ADGRE3: variants seen among roughly 807,000 people sequenced by gnomAD.
The protein encoded by ADGRE3 is EGF-like module receptor 3.
Under a neutral mutation model 80.1 loss-of-function variants are expected in ADGRE3, and 88 were observed. The ratio of observed to expected loss-of-function variants is 1.10; its 90% CI spans 0.93 to 1.31. The LOEUF is 1.31. Among genes scored for constraint, ADGRE3 ranks in the 40% most tolerant of loss-of-function variants. ADGRE3 has a pLI of 0.00. For missense variants in ADGRE3, 715 were observed against 776.5 expected (o/e 0.92, Z 0.94); for synonymous variants, 281 against 294.8 (o/e 0.95, Z 0.48).
At chr19:14,647,154 C>T in intron 8 of ADGRE3, 27 bp downstream of exon 8, 2 of 1,604,056 alleles carry the variant, frequency 1.2e-6, no homozygotes, top group East Asian at 2.2e-5. Context: ...TGAGAACCCA[C>T]AAGCTCAAAT....
chr19:14,615,144 G>A (rs2075067953), downstream of ADGRE3, among the ~76,000 whole-genome samples: 1 of 151,076 alleles, frequency 6.6e-6, no homozygotes, highest in South Asian at 2.1e-4. Flanking sequence ...GGCAGAACTG[G>A]GATTCAGATT....
Position 14,638,151 on chromosome 19 carries a change from CCA to C in ADGRE3, c.1436_1437del (p.Val479GlyfsTer15). 6.2e-7 allele frequency: 1 copy of C among 1,614,108 alleles called. No homozygotes were observed. The highest frequency in any genetic ancestry group is 8.5e-7 in the Non-Finnish European group (1 of 1,180,008). ...PVGYGVPAVT[V>X]AISAASWPHL... is the part of the protein sequence containing the mutation. ...TGAGGCCAGGAGGCTGCAGAAATGG[CCA>C]CAGTCACAGCGGGAACGCCATAGCC... On this transcript the variant is annotated frameshift_variant, in exon 11 of 16. Coordinates refer to ENST00000253673, the MANE Select transcript of ADGRE3 (RefSeq NM_032571.5). LOFTEE classifies it high-confidence loss of function.
intron 15 of ADGRE3, among the ~76,000 whole-genome samples, chr19:14,625,117 C>T (rs1970700991): frequency 6.6e-5 from 10 of 152,082 alleles, no homozygotes; most frequent in Admixed American, 6.6e-4. Flanking sequence ...GTAGCTGGGA[C>T]TACAGGTGCA....
the ADGRE3 span, among the ~76,000 whole-genome samples, chr19:14,601,345 G>T: frequency 6.6e-6 from 1 of 152,192 alleles, no homozygotes; most frequent in East Asian, 1.9e-4. Context: ...ATCTTTTAAG[G>T]TGGTAGGGAA....
intron 15 of ADGRE3, 32 bp downstream of exon 15, chr19:14,625,460 A>C (rs780625939): frequency 1.3e-5 from 18 of 1,367,386 alleles, no homozygotes; most frequent in Non-Finnish European, 1.7e-5. Context: ...GGAGTATGTA[A>C]AACATTAGAA....
downstream of ADGRE3, among the ~76,000 whole-genome samples, chr19:14,614,315 G>A (rs1247831275): frequency 6.6e-6 from 1 of 152,126 alleles, no homozygotes; most frequent in African/African-American, 2.4e-5. Context: ...GGGGAAGCAG[G>A]GGTCTGTGGT....
intron 7 of ADGRE3, among the ~76,000 whole-genome samples, chr19:14,650,751 T>C (rs917952915): frequency 1.4e-5 from 2 of 147,858 alleles, no homozygotes; most frequent in African/African-American, 4.9e-5. Flanking sequence ...TGGAGAACAC[T>C]GATGAATACA....
intron 3 of ADGRE3, 22 bp downstream of exon 3, chr19:14,663,380 TAAAATAATAATAATAA>T (rs1239176592): frequency 4.8e-6 from 6 of 1,262,374 alleles, no homozygotes; most frequent in Non-Finnish European, 6.2e-6. Context: ...ATAATGATAA[TAAAATAATAATAATAA>T]AAAATAATAA....
At chr19:14,650,240 C>G (rs1971551237) in intron 7 of ADGRE3, among the ~76,000 whole-genome samples, 1 of 150,898 alleles carries the variant, frequency 6.6e-6, no homozygotes, top group Non-Finnish European at 1.5e-5. Flanking sequence ...CTCTTTCCAT[C>G]TCTCTTCCCT....
the ADGRE3 span, among the ~76,000 whole-genome samples, chr19:14,602,711 C>A: frequency 2.0e-5 from 3 of 151,568 alleles, no homozygotes; most frequent in African/African-American, 7.3e-5. Flanking sequence ...CCCTCTGTTT[C>A]ATAGCATTAT....
the ADGRE3 span, among the ~76,000 whole-genome samples, chr19:14,611,739 C>T: frequency 2.0e-5 from 3 of 152,118 alleles, no homozygotes; most frequent in Admixed American, 6.6e-5. Flanking sequence ...CAGTGGCTCA[C>T]GCCTGTAATC....
chr19:14,630,233 G>C, intron 13 of ADGRE3, 26 bp from the exon 14 acceptor site: 1 of 1,577,626 alleles, frequency 6.3e-7, no homozygotes. Context: ...CAGAGATTAG[G>C]ATGTCAAAAA....
In ADGRE3 at chr19:14,641,551, G is replaced by C. The variant is rs267605309; in HGVS notation, c.1116C>G (p.Leu372=). The C allele has an allele frequency of 6.2e-7, 1 of 1,614,066 alleles. No homozygotes were observed. The change falls in exon 10 of 16, where the codon CTC becomes CTG. Residue 372 remains leucine, a synonymous_variant. Coordinates refer to ENST00000253673, the MANE Select transcript of ADGRE3 (RefSeq NM_032571.5). ...ACAGGAGAAAAGTGAGGGCCGCCAG[G>C]AGGAGGCACAGCAGAGAGACGCTCA... ...VGLSVSLLCL[L]LAALTFLLCK...
rs1304992454 is a variant in ADGRE3 at position 14,662,030 on chromosome 19, A to T, written c.288T>A (p.Cys96Ter). The T allele has an allele frequency of 3.1e-6, 5 of 1,613,890 alleles. No homozygotes were observed. Among genetic ancestry groups the T allele is most frequent in the Middle Eastern group, 1.7e-4 (1 of 6,060 alleles). ...CAGAATGCAGTCTATATCCTGGGACACATTGACAGTAGAAACTTCCTTCGA... is the reference window on the plus strand; with the variant it reads ...CAGAATGCAGTCTATATCCTGGGACTCATTGACAGTAGAAACTTCCTTCGA... ...YNVEGSFYCQ[C>*]VPGYRLHSGN... Residue 96 changes from cysteine to a stop codon, truncating the protein, a stop_gained, in exon 4 of 16, where the codon TGT becomes TGA. Coordinates refer to ENST00000253673, the MANE Select transcript of ADGRE3 (RefSeq NM_032571.5). LOFTEE classifies it high-confidence loss of function.
At chr19:14,617,234 CTTTTCTTTTCTT>C (rs1474531064), downstream of ADGRE3, among the ~76,000 whole-genome samples, 1 of 151,570 alleles carries the variant, frequency 6.6e-6, no homozygotes, top group African/African-American at 2.4e-5. Flanking sequence ...TTTCTTTTCT[CTTTTCTTTTCTT>C]TTTTCTTTCT....
chr19:14,625,387 A>G (rs1970709779), intron 15 of ADGRE3, 105 bp downstream of exon 15: 4 of 789,566 alleles, frequency 5.1e-6, no homozygotes, highest in Non-Finnish European at 8.6e-6. Flanking sequence ...AACTTAAAAA[A>G]CAAAAACAAA....
At chr19:14,604,415 A>G in the ADGRE3 span, among the ~76,000 whole-genome samples, 1 of 152,064 alleles carries the variant, frequency 6.6e-6, no homozygotes, top group African/African-American at 2.4e-5. Context: ...TTCTTTGACC[A>G]CAATGCTATA....
At chr19:14,608,621 A>G in the ADGRE3 span, among the ~76,000 whole-genome samples, 89 of 147,524 alleles carry the variant, frequency 6.0e-4, 1 homozygote, top group African/African-American at 2.1e-3. Context: ...TGGAAGGATG[A>G]GGAAGAATTT....
rs555416966 is a variant in ADGRE3, at chr19:14,654,901, A to ATT, written c.577+79_577+80dup. 191 of 1,042,086 alleles carry ATT rather than the reference A, an allele frequency of 1.8e-4. No individual in the cohort carries two copies. In the African/African-American group the frequency reaches 2.6e-3, roughly 14 times the overall value. 64.6% of individuals were successfully genotyped at this position (1,042,086 alleles called of 1,614,324 possible). On this transcript the variant is annotated intron_variant, in intron 6 of 15. Coordinates refer to ENST00000253673, the MANE Select transcript of ADGRE3 (RefSeq NM_032571.5). ...TAAAGGGACTCATGTGGTGTATTCA[A>ATT]TTTTTTTTTTCTAATTGCCTAACCC...
Sources: allele counts gnomAD v4.1 joint callset (sites outside exome capture counted in the v4.1 genomes callset), GRCh38; gene constraint gnomAD v4.1.1; transcripts MANE v1.5; gene names NCBI Gene and HGNC (gene_info 2026-07-23, HGNC 2026-07-21).